URB2: variants seen among roughly 807,000 people sequenced by gnomAD.
URB2 encodes unhealthy ribosome biogenesis protein 2 homolog.
URB2 carries 86 observed loss-of-function variants against 120.9 expected under a neutral mutation model. The observed-to-expected ratio is 0.71, with a 90% CI of 0.60 to 0.85. URB2 has a LOEUF of 0.85. Ranked by LOEUF, URB2 falls within the 40% of genes least tolerant of loss-of-function variation. The probability of loss-of-function intolerance (pLI) is 0.00; values close to 1 mark genes in which losing one functional copy is unlikely to be tolerated. For synonymous variants in URB2, 755 were observed against 758.4 expected (o/e 1.00, Z 0.07); for missense variants, 1,765 against 1,836.5 (o/e 0.96, Z 0.71).
At chr1:229,627,266 A>T (rs887458442) in intron 1 of URB2, among the ~76,000 whole-genome samples, 1 of 152,228 alleles carries the variant, frequency 6.6e-6, no homozygotes, top group Non-Finnish European at 1.5e-5. Context: ...ATTTGAAACC[A>T]TGTATGAATG....
intron 4 of URB2, among the ~76,000 whole-genome samples, chr1:229,643,233 G>C (rs1408869358): frequency 6.6e-6 from 1 of 152,176 alleles, no homozygotes; most frequent in African/African-American, 2.4e-5. Flanking sequence ...CATTGTTCAA[G>C]GGTCAACCGC....
chr1:229,654,618 A>G (rs965432955), intron 9 of URB2, among the ~76,000 whole-genome samples: 9 of 152,108 alleles, frequency 5.9e-5, no homozygotes, highest in Non-Finnish European at 1.2e-4. Context: ...TCAGCCTCCC[A>G]AGTAGCTAGG....
At chr1:229,638,356 A>AC in intron 4 of URB2, 109 bp downstream of exon 4, 1 of 1,309,206 alleles carries the variant, frequency 7.6e-7, no homozygotes, top group Non-Finnish European at 1.0e-6. Flanking sequence ...AAAAGGTACC[A>AC]CATGTGCGGC....
chr1:229,657,422 G>A (rs1428677851), intron 9 of URB2, among the ~76,000 whole-genome samples: 4 of 152,218 alleles, frequency 2.6e-5, no homozygotes, highest in African/African-American at 9.6e-5. Flanking sequence ...AGACTGCCTA[G>A]GTTCAAGTCT....
intron 2 of URB2, among the ~76,000 whole-genome samples, chr1:229,628,025 G>A (rs1454620238): frequency 6.7e-6 from 1 of 148,718 alleles, no homozygotes. Flanking sequence ...CAAAGCGGGG[G>A]ATCGCTTGAG....
rs546431235 is a variant in URB2 at position 229,640,196 on chromosome 1, T to G, written c.3634+1949T>G. Among the ~76,000 whole-genome samples the G allele has an allele frequency of 3.7e-4, 56 of 152,370 alleles. 1 individual carries two copies. Among genetic ancestry groups the G allele is most frequent in the Middle Eastern group, 3.4e-3 (1 of 294 alleles). ...TGTACACTTTAATGTTGCATTTTAA[T>G]AAGAATAAATCAAAATACTTTTCTA... On this transcript the variant is annotated intron_variant, in intron 4 of 9. Transcript: ENST00000258243.
chr1:229,643,500 C>A (rs781378845), intron 4 of URB2, 33 bp from the exon 5 acceptor site: 1 of 1,613,330 alleles, frequency 6.2e-7, no homozygotes, highest in Non-Finnish European at 8.5e-7. Flanking sequence ...TCACCTGTCA[C>A]ATCTTAACAA....
chr1:229,637,478 G>A lies in URB2; in HGVS notation c.2865G>A (p.Gly955=), dbSNP rs1409217082. The change falls in exon 4 of 10, where the codon GGG becomes GGA. Residue 955 remains glycine, a synonymous_variant. Coordinates refer to ENST00000258243, the MANE Select transcript of URB2 (RefSeq NM_014777.4). ...AACTTCTTGGTTACTTGCAAAAGGG[G>A]AAAAGTGCTCGCTCTGTGTTCAAGA... The part of the protein sequence containing the change: ...CYQLLGYLQK[G]KSARSVFKIM... 3.1e-6 allele frequency: 5 copies of A among 1,614,178 alleles called. No homozygotes were observed. The South Asian group carries it at 4.4e-5, about 14-fold the overall frequency.
At chr1:229,647,896 A>G in intron 7 of URB2, 144 bp downstream of exon 7, 1 of 1,375,706 alleles carries the variant, frequency 7.3e-7, no homozygotes, top group Non-Finnish European at 9.6e-7. Context: ...TGTTCTAGTA[A>G]ATTTCAGAGC....
At chr1:229,648,784 T>C (rs1277642795) in intron 7 of URB2, among the ~76,000 whole-genome samples, 1 of 152,236 alleles carries the variant, frequency 6.6e-6, no homozygotes, top group Non-Finnish European at 1.5e-5. Context: ...TAGGAACTCA[T>C]AGATACGACG....
chr1:229,642,401 C>T (rs1222867277), intron 4 of URB2, among the ~76,000 whole-genome samples: 1 of 152,162 alleles, frequency 6.6e-6, no homozygotes, highest in Non-Finnish European at 1.5e-5. Context: ...TTGTGGGAGA[C>T]TTGGACCTAG....
At chr1:229,648,979 G>A (rs1182306652) in intron 7 of URB2, among the ~76,000 whole-genome samples, 1 of 152,168 alleles carries the variant, frequency 6.6e-6, no homozygotes, top group African/African-American at 2.4e-5. Flanking sequence ...TGTACAACAT[G>A]TGACTAATGA....
chr1:229,626,617 A>T (rs999987505), intron 1 of URB2, among the ~76,000 whole-genome samples: 2 of 152,226 alleles, frequency 1.3e-5, no homozygotes, highest in Admixed American at 6.5e-5. Context: ...TCTGCTGGGC[A>T]GGGAGTGCTG....
Position 229,627,682 on chromosome 1 carries a change from A to G in URB2, c.49A>G (p.Thr17Ala), listed in dbSNP as rs1012911967. 1 of 1,613,608 alleles carries G rather than the reference A, an allele frequency of 6.2e-7. No individual in the cohort carries two copies. Among genetic ancestry groups the G allele is most frequent in the Non-Finnish European group, 8.5e-7 (1 of 1,179,742 alleles). The part of the protein sequence containing the change: ...GISLKLKSKT[T>A]SWEDKLKLAH... ...TTCCCTTAAGCTTAAAAGCAAGACA[A>G]CTTCCTGGGAAGATAAACTAAAACT... is the stretch of plus-strand genomic sequence containing the variant. Residue 17 changes from threonine (T) to alanine (A), a missense_variant, in exon 2 of 10, where the codon ACT becomes GCT. Thr to Ala is a moderately conservative substitution (Grantham distance 58). Coordinates refer to ENST00000258243, the MANE Select transcript of URB2 (RefSeq NM_014777.4).
rs752646352 is a variant in URB2 at position 229,637,404 on chromosome 1, T to A, written c.2791T>A (p.Cys931Ser). The A allele has an allele frequency of 3.7e-6, 6 of 1,614,206 alleles. No individual in the cohort carries two copies. Among genetic ancestry groups the A allele is most frequent in the Non-Finnish European group, 5.1e-6 (6 of 1,180,038 alleles). ...LLSMAVTKLG[C>S]SCSSSLALKF... ...GTCCATGGCCGTCACCAAACTAGGA[T>A]GCTCTTGCTCCTCCTCACTGGCTCT... The change falls in exon 4 of 10, where the codon TGC becomes AGC. Residue 931 changes from cysteine to serine, a missense_variant. Coordinates refer to ENST00000258243, the MANE Select transcript of URB2 (RefSeq NM_014777.4).
intron 2 of URB2, among the ~76,000 whole-genome samples, chr1:229,630,632 G>C (rs1665633568): frequency 6.6e-6 from 1 of 152,146 alleles, no homozygotes; most frequent in Admixed American, 6.5e-5. Flanking sequence ...CTTAATAAGA[G>C]AGTCAGCCTG....
chr1:229,658,033 G>A (rs954688929), intron 9 of URB2, among the ~76,000 whole-genome samples: 1 of 152,050 alleles, frequency 6.6e-6, no homozygotes, highest in African/African-American at 2.4e-5. Context: ...AAAAGTAATG[G>A]CAAAATACAT....
At chr1:229,633,288 A>G (rs1294886014) in intron 3 of URB2, among the ~76,000 whole-genome samples, 1 of 152,198 alleles carries the variant, frequency 6.6e-6, no homozygotes, top group East Asian at 1.9e-4. Flanking sequence ...AAAATAATAA[A>G]CCAGTGGTCA....
intron 7 of URB2, among the ~76,000 whole-genome samples, chr1:229,648,593 T>C (rs1392177973): frequency 1.3e-5 from 2 of 152,232 alleles, no homozygotes; most frequent in African/African-American, 4.8e-5. Context: ...TCCACCCCTA[T>C]AGCAAGCCTG....
Sources: allele counts gnomAD v4.1 joint callset (sites outside exome capture counted in the v4.1 genomes callset), GRCh38; gene constraint gnomAD v4.1.1; transcripts MANE v1.5; gene names NCBI Gene and HGNC (gene_info 2026-07-23, HGNC 2026-07-21).